Variants in LCT observed in about 807,000 individuals in gnomAD.
LCT encodes lactase.
LCT carries 90 observed loss-of-function variants against 173.0 expected under a neutral mutation model. That is an observed-to-expected ratio of 0.52 (90% CI 0.44 to 0.62). LCT has a LOEUF of 0.62. Ranked by LOEUF, LCT falls within the 20% of genes least tolerant of loss-of-function variation. The probability of loss-of-function intolerance (pLI) is 0.00; values close to 1 mark genes in which losing one functional copy is unlikely to be tolerated. For synonymous variants in LCT, 853 were observed against 957.6 expected, an observed-to-expected ratio of 0.89 and a Z score of 2.02; for missense variants, 1,864 against 2,431.4, an observed-to-expected ratio of 0.77 and a Z score of 4.91.
rs1387666867 is a variant in LCT, at chr2:135,809,893, G to T, written c.2454C>A (p.His818Gln). Residue 818 changes from histidine to glutamine, a missense_variant, in exon 8 of 17, where the codon CAC becomes CAA. By Grantham distance (24) the His-to-Gln change is conservative (BLOSUM62 0). Coordinates refer to ENST00000264162, the MANE Select transcript of LCT (RefSeq NM_002299.4). The surrounding 1 kb of genome is among the most constrained non-coding windows in gnomAD (Gnocchi z 5.5). ...PSGYSQRFGL[H>Q]HVNFSDSSKS... The stretch of plus-strand genomic sequence containing the variant: ...TGCTGCTGTCGCTGAAGTTGACGTG[G>T]TGCAGGCCAAACCGCTGGCTGTAAC... 6.2e-7 allele frequency: 1 copy of T among 1,614,212 alleles called. No individual in the cohort carries two copies. The highest frequency in any genetic ancestry group is 2.2e-5 in the East Asian group (1 of 44,890).
chr2:135,830,188 C>T (rs1434110976), intron 2 of LCT, among the ~76,000 whole-genome samples: 1 of 152,122 alleles, frequency 6.6e-6, no homozygotes, highest in Non-Finnish European at 1.5e-5. Flanking sequence ...TTATCCCTAG[C>T]CAGGCCAAGA....
Position 135,836,757 on chromosome 2 carries a change from G to C in LCT, c.413C>G (p.Ala138Gly), listed in dbSNP as rs374619829. The change falls in exon 1 of 17, where the codon GCC becomes GGC. Residue 138 changes from alanine to glycine, a missense_variant. Ala to Gly is a moderately conservative substitution (Grantham distance 60). Coordinates refer to ENST00000264162, the MANE Select transcript of LCT (RefSeq NM_002299.4). ...GGCTTCGGTTCTCCGGAGGGTGCTG[G>C]CAGGGAGGGTCTGGTGGTGCAGGAT... ...MVILHHQTLPASTLRRTEAFA... is the reference protein window; with the variant it reads ...MVILHHQTLPGSTLRRTEAFA... 24 of 1,614,078 alleles carry C rather than the reference G, an allele frequency of 1.5e-5. No homozygotes were observed. Among genetic ancestry groups the C allele is most frequent in the Admixed American group, 3.3e-5 (2 of 60,012 alleles).
chr2:135,821,695 G>A (rs962313604), intron 5 of LCT: 2 of 349,446 alleles, frequency 5.7e-6, no homozygotes, highest in Non-Finnish European at 1.1e-5. Context: ...TCACCATGTT[G>A]CCCAGCCCAG....
At chr2:135,804,161 T>A in intron 10 of LCT, 33 bp from the exon 11 acceptor site, 2 of 1,569,702 alleles carry the variant, frequency 1.3e-6, no homozygotes, top group Middle Eastern at 2.0e-4. Context: ...GTTGCATCAG[T>A]CATGCTTTCC....
intron 1 of LCT, among the ~76,000 whole-genome samples, chr2:135,834,804 A>AAAAAG: frequency 6.8e-6 from 1 of 147,486 alleles, no homozygotes; most frequent in African/African-American, 2.5e-5. Context: ...AAAAAAAAAA[A>AAAAAG]AAAAAAGAAG....
chr2:135,792,571 C>T (rs149198871), intron 14 of LCT, among the ~76,000 whole-genome samples: 95 of 152,286 alleles, frequency 6.2e-4, no homozygotes, highest in African/African-American at 2.2e-3. Context: ...AGGAGTGAGA[C>T]TGGCCTTGCT....
At chr2:135,823,820 A>C (rs1339575834) in intron 4 of LCT, 81 bp downstream of exon 4, 1 of 942,514 alleles carries the variant, frequency 1.1e-6, no homozygotes, top group Non-Finnish European at 1.7e-6. Flanking sequence ...TCCCATTGGA[A>C]CCCCGGACTT....
intron 8 of LCT, 59 bp downstream of exon 8, chr2:135,808,384 G>T: frequency 7.7e-7 from 1 of 1,305,416 alleles, no homozygotes; most frequent in Non-Finnish European, 1.1e-6. Context: ...AAACATTTCA[G>T]GCATATGACC....
At position 135,836,479 on chromosome 2, in the gene LCT, G is replaced by A. The variant is rs183177188; in HGVS notation, c.640+51C>T. Reference sequence around the variant, plus strand: ...ATCTGCTCTAAGGAGGATGGGGAAGGTGTGTGATGAAGGTTGCCGAGGGGT... The same window carrying A: ...ATCTGCTCTAAGGAGGATGGGGAAGATGTGTGATGAAGGTTGCCGAGGGGT... On this transcript the variant is annotated intron_variant, in intron 1 of 16. Transcript: ENST00000264162. 1.2e-5 allele frequency: 19 copies of A among 1,533,538 alleles called. No individual in the cohort carries two copies. In the East Asian group the frequency reaches 3.4e-4, roughly 27 times the overall value. 95.0% of individuals were successfully genotyped at this position (1,533,538 alleles called of 1,614,324 possible). A position where few individuals can be genotyped will look rare whatever the true frequency, so the allele number is the denominator to read the frequency against.
intron 3 of LCT, among the ~76,000 whole-genome samples, chr2:135,827,649 G>A (rs373267093): frequency 5.3e-5 from 8 of 152,254 alleles, no homozygotes; most frequent in Admixed American, 6.5e-5. Context: ...TAAGGAGCAC[G>A]CAACCTGGAT....
chr2:135,829,484 G>T, intron 3 of LCT, 109 bp downstream of exon 3: 2 of 842,250 alleles, frequency 2.4e-6, no homozygotes, highest in Non-Finnish European at 4.1e-6. Flanking sequence ...GCCGGTCTCT[G>T]CTGTTGATGG....
At chr2:135,810,116 G>A in intron 7 of LCT, 123 bp from the exon 8 acceptor site, 1 of 713,782 alleles carries the variant, frequency 1.4e-6, no homozygotes, top group South Asian at 1.6e-5. Context: ...CCAAGTAGCT[G>A]GGACTGACTA....
chr2:135,821,996 G>A (rs764764613), intron 5 of LCT, 24 bp downstream of exon 5: 16 of 1,332,968 alleles, frequency 1.2e-5, no homozygotes, highest in Non-Finnish European at 1.6e-5. Context: ...GTTATTGATA[G>A]TTCAATAGGC....
chr2:135,822,396 G>A (rs1285291828), intron 4 of LCT: 1 of 389,114 alleles, frequency 2.6e-6, no homozygotes, highest in African/African-American at 2.1e-5. Flanking sequence ...CTCAAGTAGG[G>A]CTCAAGAATA....
chr2:135,827,214 A>G (rs2077895898), intron 3 of LCT, among the ~76,000 whole-genome samples: 1 of 152,144 alleles, frequency 6.6e-6, no homozygotes, highest in Non-Finnish European at 1.5e-5. Context: ...CCTGGCCTCA[A>G]GTGATCCGCC....
chr2:135,797,878 T>C, intron 13 of LCT, 151 bp downstream of exon 13: 1 of 679,976 alleles, frequency 1.5e-6, no homozygotes, highest in Non-Finnish European at 2.7e-6. Context: ...GTCAAGCATA[T>C]AGCAGTGCCA....
Position 135,809,572 on chromosome 2 carries a change from A to G in LCT, c.2775T>C (p.Asp925=). ...AYQIEGAWDA[D]GKGPSIWDNF... ...TATCCCAGATGCTGGGGCCTTTGCC[A>G]TCGGCATCCCACGCGCCTTCAATCT... is the stretch of plus-strand genomic sequence containing the variant. The change falls in exon 8 of 17, where the codon GAT becomes GAC. Residue 925 remains aspartate, a synonymous_variant. Transcript: ENST00000264162. This position sits in a 1 kb window ranked among gnomAD's most constrained non-coding sequence, Gnocchi z 5.5. The G allele has an allele frequency of 6.2e-7, 1 of 1,614,238 alleles. No individual in the cohort carries two copies. Among genetic ancestry groups the G allele is most frequent in the South Asian group, 1.1e-5 (1 of 91,088 alleles).
chr2:135,808,255 C>G (rs563207359), intron 8 of LCT, among the ~76,000 whole-genome samples, 188 bp downstream of exon 8: 1 of 152,240 alleles, frequency 6.6e-6, no homozygotes, highest in East Asian at 1.9e-4. Context: ...TCTGCAGAGA[C>G]AACCATAGCC....
Position 135,815,501 on chromosome 2 carries a change from A to T in LCT, c.1707+1840T>A, listed in dbSNP as rs1211877820. 2.0e-5 allele frequency among the ~76,000 whole-genome samples: 3 copies of T among 152,096 alleles called. No individual in the cohort carries two copies. The East Asian group carries it at 5.8e-4, about 29-fold the overall frequency. ...ATGGAAACTCTGACTTACGTGCTAC[A>T]ATGTTTGACATTTCATTGAGTTATT... On this transcript the variant is annotated intron_variant, in intron 6 of 16. Transcript: ENST00000264162.
Sources: gnomAD v4.1 joint callset for allele counts (sites outside exome capture counted in the v4.1 genomes callset) on GRCh38, gnomAD v4.1.1 for gene constraint, Gnocchi (gnomAD v3.1) non-coding constraint, MANE v1.5 for transcripts, NCBI Gene and HGNC (gene_info 2026-07-23, HGNC 2026-07-21) for gene names.